Variants in HIPK2 observed in about 807,000 individuals in gnomAD.
HIPK2 encodes the protein homeodomain interacting protein kinase 2.
In HIPK2, 27 loss-of-function variants were observed where a neutral mutation model predicts 113.7. That is an observed-to-expected ratio of 0.24 (90% CI 0.17 to 0.33). The LOEUF (loss-of-function observed/expected upper bound fraction) is 0.33. Among genes scored for constraint, HIPK2 ranks in the 10% least tolerant of loss-of-function variants. The pLI is 1.00. For synonymous variants in HIPK2, 631 were observed against 642.2 expected, an observed-to-expected ratio of 0.98 and a Z score of 0.26; for missense variants, 1,257 against 1,588.0, an observed-to-expected ratio of 0.79 and a Z score of 3.54.
At chr7:139,589,047 C>G (rs1241185193) in intron 12 of HIPK2, among the ~76,000 whole-genome samples, 2 of 152,092 alleles carry the variant, frequency 1.3e-5, no homozygotes, top group African/African-American at 4.8e-5. Context: ...GGTGGAGGAC[C>G]CCAGGTGAGG....
At chr7:139,711,363 G>A (rs1795063623) in intron 2 of HIPK2, among the ~76,000 whole-genome samples, 1 of 152,062 alleles carries the variant, frequency 6.6e-6, no homozygotes, top group Non-Finnish European at 1.5e-5. Context: ...GGGAGGCGGA[G>A]TTTGCAGTGA....
At chr7:139,697,922 T>G (rs1017190604) in intron 2 of HIPK2, among the ~76,000 whole-genome samples, 1 of 149,234 alleles carries the variant, frequency 6.7e-6, no homozygotes, top group Non-Finnish European at 1.5e-5. Context: ...CAGACTGGAG[T>G]GCATTGGCAC....
At chr7:139,621,721 A>C (rs1211894370) in intron 6 of HIPK2, among the ~76,000 whole-genome samples, 1 of 152,148 alleles carries the variant, frequency 6.6e-6, no homozygotes, top group Non-Finnish European at 1.5e-5. Context: ...AGAGCTCAAG[A>C]CCAGCTTGGA....
rs1323326508 is a variant in HIPK2, at chr7:139,571,817, T to C, written c.*1110A>G. On this transcript the variant is annotated 3_prime_UTR_variant, in exon 15 of 15. Transcript: ENST00000406875. ...AAGGCACTAGGAGGGAAGGATGCAGTGTCAAGACTGCGCCAGCTAGGGTGG... is the reference window on the plus strand; with the variant it reads ...AAGGCACTAGGAGGGAAGGATGCAGCGTCAAGACTGCGCCAGCTAGGGTGG... 1.3e-5 allele frequency: 2 copies of C among 152,220 alleles called. No homozygotes were observed. The highest frequency in any genetic ancestry group is 2.1e-4 in the South Asian group (1 of 4,828). The allele number at this position is 152,220 out of a possible 1,614,324, so 9.4% of individuals were successfully genotyped here.
chr7:139,632,186 C>T (rs576191382), intron 2 of HIPK2, among the ~76,000 whole-genome samples: 85 of 152,174 alleles, frequency 5.6e-4, no homozygotes, highest in Non-Finnish European at 1.1e-3. Flanking sequence ...GTTGCCTAGG[C>T]TGGAGTGCAG....
Position 139,716,301 on chromosome 7 carries a change from C to T in HIPK2, c.734G>A (p.Ser245Asn). ...CTCCGTGCTCAACCGGGCCAGGATGCTCACTTCAATCTGACCTTGTCGGGC... is the reference window on the plus strand; with the variant it reads ...CTCCGTGCTCAACCGGGCCAGGATGTTCACTTCAATCTGACCTTGTCGGGC... ...SYARQGQIEV[S>N]ILARLSTESA... is the part of the protein sequence containing the mutation. The change falls in exon 2 of 15, where the codon AGC (serine) becomes AAC (asparagine). Residue 245 changes from serine (S) to asparagine (N), a missense_variant. Physicochemically the swap from Ser to Asn is conservative, Grantham distance 46 (BLOSUM62 1). Coordinates refer to ENST00000406875, the MANE Select transcript of HIPK2 (RefSeq NM_022740.5). This position sits in a 1 kb window ranked among gnomAD's most constrained non-coding sequence, Gnocchi z 9.3. 1 of 1,614,178 alleles carries T rather than the reference C, an allele frequency of 6.2e-7. No individual in the cohort carries two copies.
chr7:139,577,540 T>C (rs780999672), intron 13 of HIPK2, among the ~76,000 whole-genome samples: 1 of 152,074 alleles, frequency 6.6e-6, no homozygotes, highest in Admixed American at 6.5e-5. Flanking sequence ...CTAACTTCAA[T>C]GACAACGGAA....
At chr7:139,701,524 G>C (rs1794707711) in intron 2 of HIPK2, among the ~76,000 whole-genome samples, 2 of 152,254 alleles carry the variant, frequency 1.3e-5, no homozygotes, top group Non-Finnish European at 1.5e-5. Flanking sequence ...AACTCACATA[G>C]CTGGCGGGAC....
At chr7:139,655,505 G>A (rs965106403) in intron 2 of HIPK2, among the ~76,000 whole-genome samples, 1 of 152,170 alleles carries the variant, frequency 6.6e-6, no homozygotes, top group East Asian at 1.9e-4. Flanking sequence ...GAGTCTTTCC[G>A]CTTATCCGAC....
Position 139,751,533 on chromosome 7 carries a change from TGGAG to T in HIPK2, c.19+26068_19+26071del, listed in dbSNP as rs6150368. On this transcript the variant is annotated intron_variant, in intron 1 of 14. Coordinates refer to ENST00000406875, the MANE Select transcript of HIPK2 (RefSeq NM_022740.5). ...AGGTTCCCTTATTTGATGAATGATT[TGGAG>T]GGAGGGAGGGAGGGAGGGAGGGAGG... 1.0e-3 allele frequency among the ~76,000 whole-genome samples: 101 copies of T among 97,580 alleles called. 2 individuals are homozygous for T. The highest frequency in any genetic ancestry group is 3.2e-3 in the South Asian group (7 of 2,222). 64.0% of individuals were successfully genotyped at this position (97,580 alleles called of 152,430 possible).
At chr7:139,709,566 C>T (rs1296444864) in intron 2 of HIPK2, among the ~76,000 whole-genome samples, 1 of 152,168 alleles carries the variant, frequency 6.6e-6, no homozygotes, top group Non-Finnish European at 1.5e-5. Flanking sequence ...CAAGGTCAAC[C>T]CACAGGAGAG....
chr7:139,680,892 G>A (rs1019234388), intron 2 of HIPK2, among the ~76,000 whole-genome samples: 2 of 152,228 alleles, frequency 1.3e-5, no homozygotes, highest in East Asian at 1.9e-4. Flanking sequence ...TCAGCCATGG[G>A]CCCAGTGAGG....
intron 2 of HIPK2, among the ~76,000 whole-genome samples, chr7:139,670,277 C>G (rs1802216211): frequency 6.6e-6 from 1 of 152,060 alleles, no homozygotes; most frequent in Non-Finnish European, 1.5e-5. Context: ...TGCCACCCAG[C>G]TCTTCATATG....
chr7:139,661,058 T>C (rs1303208754), intron 2 of HIPK2, among the ~76,000 whole-genome samples: 1 of 21,024 alleles, frequency 4.8e-5, no homozygotes, highest in African/African-American at 2.1e-4. Flanking sequence ...TGGGTAGGGG[T>C]GGGGTGGGGT....
intron 2 of HIPK2, among the ~76,000 whole-genome samples, chr7:139,645,972 G>C (rs1238303088): frequency 1.3e-5 from 2 of 152,298 alleles, no homozygotes; most frequent in Admixed American, 6.5e-5. Flanking sequence ...TTACTCAGGG[G>C]AAACCTTCCA....
chr7:139,729,544 G>A (rs1009915714), intron 1 of HIPK2, among the ~76,000 whole-genome samples: 2 of 152,194 alleles, frequency 1.3e-5, no homozygotes, highest in African/African-American at 4.8e-5. Context: ...TCAGCATCGA[G>A]GAGGAGCCCC....
At chr7:139,698,469 T>TA (rs1305195277) in intron 2 of HIPK2, among the ~76,000 whole-genome samples, 1 of 152,322 alleles carries the variant, frequency 6.6e-6, no homozygotes, top group African/African-American at 2.4e-5. Context: ...TTTGGGTGTA[T>TA]ACCTAGGAAT....
chr7:139,677,291 A>G (rs1417315661), intron 2 of HIPK2, among the ~76,000 whole-genome samples: 1 of 151,884 alleles, frequency 6.6e-6, no homozygotes, highest in Non-Finnish European at 1.5e-5. Context: ...ATATATACAC[A>G]TTTTTTAAAC....
intron 6 of HIPK2, among the ~76,000 whole-genome samples, chr7:139,622,945 G>A (rs1294910159): frequency 6.6e-6 from 1 of 152,212 alleles, no homozygotes; most frequent in African/African-American, 2.4e-5. Flanking sequence ...ACAGAACCCA[G>A]AGGTGGAAGG....
Sources: gnomAD v4.1 joint callset for allele counts (sites outside exome capture counted in the v4.1 genomes callset) on GRCh38, gnomAD v4.1.1 for gene constraint, Gnocchi (gnomAD v3.1) non-coding constraint, MANE v1.5 for transcripts, NCBI Gene and HGNC (gene_info 2026-07-23, HGNC 2026-07-21) for gene names.